ARHGAP24: variants seen among roughly 807,000 people sequenced by gnomAD.
The protein encoded by ARHGAP24 is rho GTPase-activating protein 24.
A neutral mutation model predicts 76.4 loss-of-function variants in ARHGAP24; 50 were observed. The ratio of observed to expected loss-of-function variants is 0.65; its 90% confidence interval spans 0.52 to 0.83. The LOEUF (loss-of-function observed/expected upper bound fraction) is 0.83. Ranked by LOEUF, ARHGAP24 falls within the 40% of genes least tolerant of loss-of-function variation. ARHGAP24 has a pLI of 0.00. For synonymous variants in ARHGAP24, 345 were observed against 323.3 expected, an observed-to-expected ratio of 1.07 and a Z score of -0.72; for missense variants, 930 against 914.2, an observed-to-expected ratio of 1.02 and a Z score of -0.22.
chr4:85,639,000 G>A (rs1721423612), intron 2 of ARHGAP24, among the ~76,000 whole-genome samples: 1 of 152,140 alleles, frequency 6.6e-6, no homozygotes, highest in Non-Finnish European at 1.5e-5. Flanking sequence ...GCATGGAGCT[G>A]ACGAATGGAG....
intron 1 of ARHGAP24, among the ~76,000 whole-genome samples, chr4:85,548,407 T>G (rs11945598): frequency 0.52 from 78,725 of 151,992 alleles, 22,157 homozygotes; most frequent in Middle Eastern, 0.67. Context: ...TATATCTATG[T>G]GCCTATCGAT....
At chr4:85,895,506 C>T (rs955421242) in intron 3 of ARHGAP24, among the ~76,000 whole-genome samples, 1 of 152,082 alleles carries the variant, frequency 6.6e-6, no homozygotes, top group African/African-American at 2.4e-5. Flanking sequence ...CTAGATTTCT[C>T]ATCTTTTGTG....
At chr4:85,538,866 T>C (rs1257206910) in intron 1 of ARHGAP24, among the ~76,000 whole-genome samples, 2 of 152,204 alleles carry the variant, frequency 1.3e-5, no homozygotes, top group Non-Finnish European at 2.9e-5. Flanking sequence ...AAGTTGATTT[T>C]ATTATACAAT....
rs998022401 is a variant in ARHGAP24 at position 86,001,697 on chromosome 4, G to C, written c.*975G>C. 1 of 344,154 alleles carries C rather than the reference G, an allele frequency of 2.9e-6. No homozygotes were observed. Among genetic ancestry groups the C allele is most frequent in the Admixed American group, 4.7e-5 (1 of 21,158 alleles). The allele number at this position is 344,154 out of a possible 1,614,324, so 21.3% of individuals were successfully genotyped here. On this transcript the variant is annotated 3_prime_UTR_variant, in exon 10 of 10. Coordinates refer to ENST00000395184, the MANE Select transcript of ARHGAP24 (RefSeq NM_001025616.3). ...CCAACAACTGCACTTTAGAATACCA[G>C]CAGTGAAATGGTATTACTGTTTCCC... is the stretch of plus-strand genomic sequence containing the variant.
At chr4:85,637,200 A>G (rs542587054) in intron 2 of ARHGAP24, among the ~76,000 whole-genome samples, 1 of 152,184 alleles carries the variant, frequency 6.6e-6, no homozygotes, top group Admixed American at 6.6e-5. Flanking sequence ...TGAAACTGGG[A>G]TAGGTTGCCC....
rs540058817 is a variant in ARHGAP24, at chr4:85,779,898, A to G, written c.268+57926A>G. On this transcript the variant is annotated intron_variant, in intron 3 of 9. Coordinates refer to ENST00000395184, the MANE Select transcript of ARHGAP24 (RefSeq NM_001025616.3). Reference sequence around the variant, plus strand: ...TTTCAATATATGTGAATTTTCCATAAAGTGAAGTTTAAAAAGTAAACTTTT... The same window carrying G: ...TTTCAATATATGTGAATTTTCCATAGAGTGAAGTTTAAAAAGTAAACTTTT... Among the ~76,000 whole-genome samples the G allele has an allele frequency of 2.1e-4, 32 of 152,348 alleles. No homozygotes were observed. In the South Asian group the frequency reaches 6.4e-3, roughly 31 times the overall value.
chr4:85,799,732 C>A (rs2110103150), intron 3 of ARHGAP24, among the ~76,000 whole-genome samples: 1 of 152,214 alleles, frequency 6.6e-6, no homozygotes, highest in African/African-American at 2.4e-5. Context: ...GCTTTTAATG[C>A]AGAATCCTGG....
intron 4 of ARHGAP24, among the ~76,000 whole-genome samples, chr4:85,926,496 A>G (rs555429164): frequency 3.3e-4 from 50 of 152,312 alleles, no homozygotes; most frequent in Non-Finnish European, 6.3e-4. Flanking sequence ...AATACTGATA[A>G]GAGATCCCAA....
intron 3 of ARHGAP24, among the ~76,000 whole-genome samples, chr4:85,792,384 A>G (rs1350312045): frequency 2.0e-5 from 3 of 152,204 alleles, no homozygotes; most frequent in Admixed American, 1.3e-4. Context: ...CAAGCCACAC[A>G]TGTTCTACTC....
chr4:85,594,872 A>G (rs141116071), intron 2 of ARHGAP24, among the ~76,000 whole-genome samples: 301 of 152,134 alleles, frequency 2.0e-3, no homozygotes, highest in African/African-American at 6.9e-3. Context: ...ACAAAACCCA[A>G]TTTTTTCTTC....
chr4:85,861,447 T>C (rs1243586320), intron 3 of ARHGAP24, among the ~76,000 whole-genome samples: 1 of 152,116 alleles, frequency 6.6e-6, no homozygotes, highest in Non-Finnish European at 1.5e-5. Context: ...TGGAACTTCT[T>C]TGGCCCAGCA....
At chr4:85,619,857 T>G (rs984753440) in intron 2 of ARHGAP24, among the ~76,000 whole-genome samples, 5 of 152,058 alleles carry the variant, frequency 3.3e-5, no homozygotes, top group Admixed American at 6.5e-5. Context: ...TTGTTGAGAG[T>G]TTTTATTATC....
chr4:85,526,184 G>T (rs1350983259), intron 1 of ARHGAP24, among the ~76,000 whole-genome samples: 1 of 151,992 alleles, frequency 6.6e-6, no homozygotes, highest in Non-Finnish European at 1.5e-5. Flanking sequence ...GCCAAGATGG[G>T]TGGATGGCCT....
chr4:85,787,746 G>C (rs1226127591), intron 3 of ARHGAP24, among the ~76,000 whole-genome samples: 2 of 152,116 alleles, frequency 1.3e-5, no homozygotes, highest in Non-Finnish European at 2.9e-5. Flanking sequence ...TCAGGTTCTT[G>C]AGGGGTGGCA....
chr4:85,568,131 A>G (rs1726921403), intron 1 of ARHGAP24, among the ~76,000 whole-genome samples: 1 of 152,206 alleles, frequency 6.6e-6, no homozygotes, highest in South Asian at 2.1e-4. Flanking sequence ...AAAAGGGGAA[A>G]TATCTACTTG....
chr4:85,765,418 A>T (rs189700476), intron 3 of ARHGAP24, among the ~76,000 whole-genome samples: 1 of 152,134 alleles, frequency 6.6e-6, no homozygotes, highest in Non-Finnish European at 1.5e-5. Context: ...CCCAATAAGC[A>T]CTAAGGAAAA....
chr4:85,653,446 A>G (rs1722020772), intron 2 of ARHGAP24, among the ~76,000 whole-genome samples: 1 of 151,356 alleles, frequency 6.6e-6, no homozygotes, highest in African/African-American at 2.4e-5. Context: ...TCATTTACCA[A>G]ATGTGATTAT....
intron 1 of ARHGAP24, among the ~76,000 whole-genome samples, chr4:85,514,095 A>T (rs1392628477): frequency 6.6e-6 from 1 of 152,156 alleles, no homozygotes; most frequent in Admixed American, 6.5e-5. Flanking sequence ...CTTTTATTCT[A>T]TGATGAAGCA....
intron 3 of ARHGAP24, among the ~76,000 whole-genome samples, chr4:85,869,093 C>T (rs1479639250): frequency 6.6e-6 from 1 of 152,138 alleles, no homozygotes; most frequent in Non-Finnish European, 1.5e-5. Context: ...CAATTGGCCC[C>T]TCCCAATCTC....
Sources: gnomAD v4.1 joint callset for allele counts (sites outside exome capture counted in the v4.1 genomes callset) on GRCh38, gnomAD v4.1.1 for gene constraint, MANE v1.5 for transcripts, NCBI Gene and HGNC (gene_info 2026-07-23, HGNC 2026-07-21) for gene names.